Variants in HS6ST3 observed in about 807,000 individuals in gnomAD.
The protein encoded by HS6ST3 is heparan sulfate 6-O-sulfotransferase 3, also known as heparan-sulfate 6-O-sulfotransferase 3.
HS6ST3 carries 12 observed loss-of-function variants against 36.7 expected under a neutral mutation model. The ratio of observed to expected loss-of-function variants is 0.33; its 90% CI spans 0.21 to 0.53. HS6ST3 has a LOEUF of 0.53. Among genes scored for constraint, HS6ST3 ranks in the 20% least tolerant of loss-of-function variants. The pLI, the probability that HS6ST3 is intolerant of heterozygous loss-of-function variation, is 0.95. For synonymous variants in HS6ST3, 240 were observed against 257.5 expected (o/e 0.93, Z 0.65); for missense variants, 584 against 640.9 (o/e 0.91, Z 0.96).
chr13:96,323,783 TC>T (rs2055016554), intron 1 of HS6ST3, among the ~76,000 whole-genome samples: 1 of 152,232 alleles, frequency 6.6e-6, no homozygotes, highest in Non-Finnish European at 1.5e-5. Flanking sequence ...ATTATAACCA[TC>T]TTACATGCTA....
At chr13:96,491,469 G>A (rs1251451793) in intron 1 of HS6ST3, among the ~76,000 whole-genome samples, 1 of 74,508 alleles carries the variant, frequency 1.3e-5, no homozygotes, top group African/African-American at 3.8e-5. Flanking sequence ...TAGTACTAAT[G>A]TGCAAAAAAA....
chr13:96,186,529 T>C (rs979430927), intron 1 of HS6ST3, among the ~76,000 whole-genome samples: 1 of 152,230 alleles, frequency 6.6e-6, no homozygotes, highest in Admixed American at 6.5e-5. Context: ...TTCAAAGTAA[T>C]GTGTGGATGC....
intron 1 of HS6ST3, among the ~76,000 whole-genome samples, chr13:96,792,904 G>C (rs530754300): frequency 6.6e-6 from 1 of 152,096 alleles, no homozygotes; most frequent in South Asian, 2.1e-4. Flanking sequence ...GTTTATACCT[G>C]GGAAACATTC....
intron 1 of HS6ST3, among the ~76,000 whole-genome samples, chr13:96,597,247 T>G (rs1249728717): frequency 6.6e-6 from 1 of 151,912 alleles, no homozygotes; most frequent in African/African-American, 2.4e-5. Context: ...ATGCTAGGCT[T>G]AGTACCTGGG....
chr13:96,136,040 A>G (rs1193520299), intron 1 of HS6ST3, among the ~76,000 whole-genome samples: 1 of 152,144 alleles, frequency 6.6e-6, no homozygotes, highest in Non-Finnish European at 1.5e-5. Context: ...TGGAACTCCC[A>G]ACACACATTC....
At chr13:96,155,932 C>T (rs2054108455) in intron 1 of HS6ST3, among the ~76,000 whole-genome samples, 1 of 152,090 alleles carries the variant, frequency 6.6e-6, no homozygotes, top group African/African-American at 2.4e-5. Flanking sequence ...TTTTCAGTGA[C>T]CTTCGAAAGG....
intron 1 of HS6ST3, among the ~76,000 whole-genome samples, chr13:96,397,440 G>C (rs1594771188): frequency 6.6e-6 from 1 of 151,830 alleles, no homozygotes; most frequent in Non-Finnish European, 1.5e-5. Flanking sequence ...TTTTCACAAA[G>C]GTTAACTCAA....
chr13:96,608,825 G>T (rs373436042), intron 1 of HS6ST3, among the ~76,000 whole-genome samples: 1 of 152,234 alleles, frequency 6.6e-6, no homozygotes, highest in East Asian at 1.9e-4. Context: ...AGTTGTGAAT[G>T]GAATGGGGTT....
At chr13:96,615,975 C>A (rs1192297917) in intron 1 of HS6ST3, among the ~76,000 whole-genome samples, 2 of 152,106 alleles carry the variant, frequency 1.3e-5, no homozygotes, top group African/African-American at 2.4e-5. Context: ...GAGAAAGGAT[C>A]AAAATAATTA....
chr13:96,739,049 A>G (rs1199200059), intron 1 of HS6ST3, among the ~76,000 whole-genome samples: 1 of 152,208 alleles, frequency 6.6e-6, no homozygotes, highest in East Asian at 1.9e-4. Flanking sequence ...GCCTTCTTGC[A>G]ATGTTTTTCT....
chr13:96,233,477 T>G (rs2054518042), intron 1 of HS6ST3, among the ~76,000 whole-genome samples: 1 of 152,042 alleles, frequency 6.6e-6, no homozygotes, highest in Admixed American at 6.6e-5. Context: ...TTATAAAGGG[T>G]TTGGAATAAC....
rs2056107652 is a variant in HS6ST3, at chr13:96,524,860, C to T, written c.708-307630C>T. On this transcript the variant is annotated intron_variant, in intron 1 of 1. Coordinates refer to ENST00000376705, the MANE Select transcript of HS6ST3 (RefSeq NM_153456.4). ...GCTTTGGCTTGCCCTCTGTGGGCCG[C>T]ACCCACTGTCCATCCTGTCCCAGTG... Among the ~76,000 whole-genome samples, 5 of 152,358 alleles carry T rather than the reference C, an allele frequency of 3.3e-5. No individual in the cohort carries two copies. The South Asian group carries it at 1.0e-3, about 32-fold the overall frequency.
chr13:96,391,173 C>T (rs2055393500), intron 1 of HS6ST3, among the ~76,000 whole-genome samples: 1 of 152,166 alleles, frequency 6.6e-6, no homozygotes, highest in African/African-American at 2.4e-5. Context: ...TCTCTATGCT[C>T]GCTTGATAGC....
At chr13:96,399,357 T>A (rs185366618) in intron 1 of HS6ST3, among the ~76,000 whole-genome samples, 98 of 152,298 alleles carry the variant, frequency 6.4e-4, no homozygotes, top group African/African-American at 2.2e-3. Flanking sequence ...CCTAACCTTT[T>A]TATTTTATAG....
chr13:96,400,349 T>C (rs1362416259), intron 1 of HS6ST3, among the ~76,000 whole-genome samples: 1 of 151,368 alleles, frequency 6.6e-6, no homozygotes. Flanking sequence ...ATACAAATTC[T>C]TGACTCCTGA....
In HS6ST3 at chr13:96,138,924, T is replaced by C. The variant is rs184309254; in HGVS notation, c.707+47355T>C. Among the ~76,000 whole-genome samples, 477 of 152,220 alleles carry C rather than the reference T, an allele frequency of 3.1e-3. 3 individuals are homozygous for C. The highest frequency in any genetic ancestry group is 0.011 in the African/African-American group (458 of 41,552). On this transcript the variant is annotated intron_variant, in intron 1 of 1. Coordinates refer to ENST00000376705, the MANE Select transcript of HS6ST3 (RefSeq NM_153456.4). ...ATCTTAAAATATGGTTATTTCTGGG[T>C]ATGCATGATTATGGGTGGTTTATTT... is the stretch of plus-strand genomic sequence containing the variant.
intron 1 of HS6ST3, among the ~76,000 whole-genome samples, chr13:96,108,324 G>A (rs2053851958): frequency 6.6e-6 from 1 of 152,118 alleles, no homozygotes; most frequent in African/African-American, 2.4e-5. Context: ...TAGTCAGACC[G>A]GTTTTCTGCT....
At chr13:96,567,352 G>A (rs886274931) in intron 1 of HS6ST3, among the ~76,000 whole-genome samples, 2 of 152,190 alleles carry the variant, frequency 1.3e-5, no homozygotes, top group African/African-American at 4.8e-5. Flanking sequence ...ACCAGAGAGG[G>A]GGTGGTAGAG....
intron 1 of HS6ST3, among the ~76,000 whole-genome samples, chr13:96,472,366 G>A (rs1240477951): frequency 6.6e-6 from 1 of 152,052 alleles, no homozygotes; most frequent in Admixed American, 6.6e-5. Flanking sequence ...TGTACAATTT[G>A]GCTCAAGCCA....
Sources: allele counts gnomAD v4.1 joint callset (sites outside exome capture counted in the v4.1 genomes callset), GRCh38; gene constraint gnomAD v4.1.1; transcripts MANE v1.5; gene names NCBI Gene and HGNC (gene_info 2026-07-23, HGNC 2026-07-21).